The following IRAK4 variants were observed in gnomAD, a reference collection of about 807,000 sequenced individuals.
The protein encoded by IRAK4 is interleukin-1 receptor-associated kinase 4.
In IRAK4, 44 loss-of-function variants were observed where a neutral mutation model predicts 51.8. That is an observed-to-expected ratio of 0.85 (90% CI 0.67 to 1.09). The LOEUF is 1.09. Among genes scored for constraint, IRAK4 ranks in the 50% least tolerant of loss-of-function variants. The pLI is 0.00. For missense variants in IRAK4, 487 were observed against 538.0 expected (o/e 0.91, Z 0.94); for synonymous variants, 149 against 174.1 (o/e 0.86, Z 1.13).
At chr12:43,773,237 T>C (rs1940958331) in intron 5 of IRAK4, among the ~76,000 whole-genome samples, 165 bp downstream of exon 5, 1 of 152,188 alleles carries the variant, frequency 6.6e-6, no homozygotes, top group Admixed American at 6.5e-5. Flanking sequence ...TGTTGAACAC[T>C]ATGGACCCTA....
intron 2 of IRAK4, among the ~76,000 whole-genome samples, chr12:43,770,331 C>A (rs931792420): frequency 2.6e-5 from 4 of 151,912 alleles, no homozygotes; most frequent in Non-Finnish European, 5.9e-5. Flanking sequence ...AATTATATAG[C>A]TATCAGAGTC....
At position 43,787,205 on chromosome 12, in the gene IRAK4, G is replaced by GAT. The variant is rs1387475376; in HGVS notation, c.*492_*493dup. On this transcript the variant is annotated 3_prime_UTR_variant, in exon 12 of 12. Coordinates refer to ENST00000613694, the MANE Select transcript of IRAK4 (RefSeq NM_016123.4). Reference sequence around the variant, plus strand: ...ACAAGCACTTTGTAAATTGTAAAATGATACAAAATTTAAAGTTTATAGAGC... The same window carrying GAT: ...ACAAGCACTTTGTAAATTGTAAAATGATATACAAAATTTAAAGTTTATAGAGC... The GAT allele has an allele frequency of 6.5e-6, 1 of 154,782 alleles. No individual in the cohort carries two copies. The highest frequency in any genetic ancestry group is 1.4e-5 in the Non-Finnish European group (1 of 69,798). 9.6% of individuals were successfully genotyped at this position (154,782 alleles called of 1,614,324 possible). A position where few individuals can be genotyped will look rare whatever the true frequency, so the allele number is the denominator to read the frequency against.
intron 8 of IRAK4, 132 bp downstream of exon 8, chr12:43,778,434 C>G: frequency 1.5e-6 from 1 of 665,316 alleles, no homozygotes. Context: ...CATGAAAGCT[C>G]TTCTCAATAA....
chr12:43,777,115 C>A (rs1278515721), intron 6 of IRAK4, among the ~76,000 whole-genome samples: 2 of 152,212 alleles, frequency 1.3e-5, no homozygotes, highest in Non-Finnish European at 2.9e-5. Context: ...GTTTGGCCAG[C>A]TGTAGTGGCT....
At chr12:43,766,064 A>G (rs556679583) in intron 1 of IRAK4, among the ~76,000 whole-genome samples, 5 of 152,262 alleles carry the variant, frequency 3.3e-5, no homozygotes, top group Admixed American at 1.3e-4. Flanking sequence ...ATCCAGAGGA[A>G]TCCACTTAAC....
intron 8 of IRAK4, among the ~76,000 whole-genome samples, chr12:43,778,992 G>C (rs764644704): frequency 4.6e-4 from 70 of 152,258 alleles, no homozygotes; most frequent in Non-Finnish European, 7.1e-4. Context: ...ATGGGAGCAT[G>C]ATGAGTTACA....
At chr12:43,784,209 T>C (rs566829323) in intron 10 of IRAK4, among the ~76,000 whole-genome samples, 7 of 152,284 alleles carry the variant, frequency 4.6e-5, no homozygotes, top group Admixed American at 2.0e-4. Context: ...TTAGGAAAAA[T>C]TCATATCATG....
chr12:43,759,872 GA>G (rs1160443880), intron 1 of IRAK4, among the ~76,000 whole-genome samples: 21,064 of 76,920 alleles, frequency 0.27, 2,212 homozygotes, highest in African/African-American at 0.45. Flanking sequence ...CGTCTCAAAA[GA>G]AAAAAAAAAA....
intron 2 of IRAK4, chr12:43,770,973 C>CTTTTTT: frequency 3.2e-6 from 2 of 623,902 alleles, no homozygotes; most frequent in South Asian, 1.6e-5. Context: ...CTCTCTCTCT[C>CTTTTTT]TTTTTTTTTC....
chr12:43,778,314 T>G lies in IRAK4; in HGVS notation c.941+12T>G. ...AGAGATATTAAAAGGTAAATGCTAC[T>G]GTTTAAAAGTTTTTGGAAAGCTGTC... On this transcript the variant is annotated intron_variant, in intron 8 of 11. Coordinates refer to ENST00000613694, the MANE Select transcript of IRAK4 (RefSeq NM_016123.4). The G allele has an allele frequency of 1.4e-6, 2 of 1,418,364 alleles. No homozygotes were observed. The highest frequency in any genetic ancestry group is 2.0e-6 in the Non-Finnish European group (2 of 1,001,846). The allele number at this position is 1,418,364 out of a possible 1,614,324, so 87.9% of individuals were successfully genotyped here.
At chr12:43,773,158 C>G in intron 5 of IRAK4, 86 bp downstream of exon 5, 1 of 1,185,270 alleles carries the variant, frequency 8.4e-7, no homozygotes. Context: ...TTAGGAAATA[C>G]ATTATTTCAG....
In IRAK4 at chr12:43,773,065, T is replaced by C; in HGVS notation, c.644T>C (p.Leu215Pro). The C allele has an allele frequency of 6.2e-7, 1 of 1,612,954 alleles. No homozygotes were observed. Among genetic ancestry groups the C allele is most frequent in the Non-Finnish European group, 8.5e-7 (1 of 1,179,200 alleles). The change falls in exon 5 of 12, where the codon CTT becomes CCT. Residue 215 changes from leucine to proline, a missense_variant. Coordinates refer to ENST00000613694, the MANE Select transcript of IRAK4 (RefSeq NM_016123.4). ...AACACAACTGTGGCAGTGAAGAAGCTTGCAGCAGTAAGTTATATTTTCAGG... is the reference window on the plus strand; with the variant it reads ...AACACAACTGTGGCAGTGAAGAAGCCTGCAGCAGTAAGTTATATTTTCAGG... ...VNNTTVAVKK[L>P]AAMVDITTEE... is the part of the protein sequence containing the mutation.
At chr12:43,769,115 A>G (rs1940475502) in intron 2 of IRAK4, among the ~76,000 whole-genome samples, 1 of 152,032 alleles carries the variant, frequency 6.6e-6, no homozygotes, top group African/African-American at 2.4e-5. Context: ...TAATTGGGGC[A>G]GTGGTGGCAG....
intron 7 of IRAK4, among the ~76,000 whole-genome samples, 173 bp downstream of exon 7, chr12:43,777,917 G>A (rs1185375292): frequency 6.6e-6 from 1 of 152,104 alleles, no homozygotes; most frequent in Non-Finnish European, 1.5e-5. Context: ...CAACAACTGG[G>A]TTGCCATTTT....
At chr12:43,770,975 T>C (rs1940694606) in intron 2 of IRAK4, 4 of 650,048 alleles carry the variant, frequency 6.2e-6, no homozygotes, top group Admixed American at 2.1e-5. Flanking sequence ...CTCTCTCTCT[T>C]TTTTTTTCTC....
chr12:43,766,483 CT>C (rs1383831696), intron 1 of IRAK4, among the ~76,000 whole-genome samples: 13 of 152,102 alleles, frequency 8.5e-5, no homozygotes, highest in African/African-American at 3.1e-4. Context: ...TTTGTATCCC[CT>C]GGTATACTGA....
chr12:43,770,918 G>A (rs1940685340), intron 2 of IRAK4: 2 of 540,142 alleles, frequency 3.7e-6, no homozygotes, highest in Non-Finnish European at 3.4e-6. Flanking sequence ...TATCTAGGGA[G>A]TGGGTTTCTG....
In IRAK4 at chr12:43,765,818, A is replaced by G. The variant is rs139357002; in HGVS notation, c.-9-2285A>G. On this transcript the variant is annotated intron_variant, in intron 1 of 11. Transcript: ENST00000613694. ...GGCTCCTAGATAGTGCCAAAGGTAG[A>G]TATTTCACATTTAACATGAGCCAAA... Among the ~76,000 whole-genome samples the G allele has an allele frequency of 2.1e-3, 321 of 150,538 alleles. 1 individual carries two copies. The highest frequency in any genetic ancestry group is 7.4e-3 in the African/African-American group (302 of 40,846).
At chr12:43,785,615 T>C (rs1942139329) in intron 10 of IRAK4, among the ~76,000 whole-genome samples, 1 of 144,892 alleles carries the variant, frequency 6.9e-6, no homozygotes, top group Admixed American at 6.8e-5. Flanking sequence ...TTTGTATATA[T>C]ATATGTGTGT....
Sources: gnomAD v4.1 joint callset for allele counts (sites outside exome capture counted in the v4.1 genomes callset) on GRCh38, gnomAD v4.1.1 for gene constraint, MANE v1.5 for transcripts, NCBI Gene and HGNC (gene_info 2026-07-23, HGNC 2026-07-21) for gene names.